EPHA5: variants seen among roughly 807,000 people sequenced by gnomAD.
EPHA5 encodes the protein ephrin type-A receptor 5.
A neutral mutation model predicts 105.0 loss-of-function variants in EPHA5; 60 were observed. The observed-to-expected ratio is 0.57, with a 90% CI of 0.46 to 0.71. The LOEUF (loss-of-function observed/expected upper bound fraction) is 0.71. Among genes scored for constraint, EPHA5 ranks in the 30% least tolerant of loss-of-function variants. The pLI, the probability that EPHA5 is intolerant of heterozygous loss-of-function variation, is 0.00. For missense variants in EPHA5, 1,218 were observed against 1,274.7 expected (o/e 0.96, Z 0.68); for synonymous variants, 513 against 449.1 (o/e 1.14, Z -1.80).
intron 3 of EPHA5, among the ~76,000 whole-genome samples, chr4:65,583,257 C>T (rs945141312): frequency 6.6e-6 from 1 of 151,306 alleles, no homozygotes; most frequent in Admixed American, 6.6e-5. Context: ...ACTCTTGCCA[C>T]TAAACACAAA....
In EPHA5 at chr4:65,323,945, C is replaced by A. The variant is rs558061324; in HGVS notation, c.*169G>T. 3.8e-6 allele frequency: 2 copies of A among 522,072 alleles called. No homozygotes were observed. The highest frequency in any genetic ancestry group is 2.5e-5 in the South Asian group (1 of 40,396). 32.3% of individuals were successfully genotyped at this position (522,072 alleles called of 1,614,324 possible). ...AAAAATGAAGACTAAGGACTAAGAA[C>A]TGGATACTTCAGTAAAACCATGATT... On this transcript the variant is annotated 3_prime_UTR_variant, in exon 17 of 17. Transcript: ENST00000613740.
intron 2 of EPHA5, among the ~76,000 whole-genome samples, chr4:65,642,369 T>C (rs1270724354): frequency 6.6e-6 from 1 of 152,016 alleles, no homozygotes; most frequent in Non-Finnish European, 1.5e-5. Flanking sequence ...GAGGAACACA[T>C]TGAAAGTATA....
chr4:65,354,748 G>A (rs1014489418), intron 11 of EPHA5, among the ~76,000 whole-genome samples: 7 of 151,508 alleles, frequency 4.6e-5, no homozygotes, highest in African/African-American at 1.7e-4. Context: ...TAGAACATAT[G>A]ATTAATACAT....
intron 4 of EPHA5, among the ~76,000 whole-genome samples, chr4:65,493,658 G>A (rs1016719699): frequency 1.3e-5 from 2 of 151,946 alleles, no homozygotes; most frequent in African/African-American, 4.8e-5. Context: ...TGACAACACA[G>A]TATTAGAAAT....
At chr4:65,335,750 C>A (rs1271055212) in intron 15 of EPHA5, among the ~76,000 whole-genome samples, 182 bp downstream of exon 15, 2 of 151,984 alleles carry the variant, frequency 1.3e-5, no homozygotes, top group African/African-American at 4.8e-5. Flanking sequence ...TTTTAAGTAT[C>A]ATTTAGTCAC....
At position 65,634,767 on chromosome 4, in the gene EPHA5, T is replaced by G. The variant is rs189760874; in HGVS notation, c.246+8596A>C. Among the ~76,000 whole-genome samples the G allele has an allele frequency of 2.9e-3, 443 of 152,162 alleles. 1 individual carries two copies. The highest frequency in any genetic ancestry group is 0.01 in the African/African-American group (428 of 41,540). ...GCTCTTTTTTTTACCCACTTCAGCA[T>G]TACTTTAATCTTTATTAGCCCCTTC... On this transcript the variant is annotated intron_variant, in intron 2 of 16. Coordinates refer to ENST00000613740, the MANE Select transcript of EPHA5 (RefSeq NM_001281766.3).
intron 3 of EPHA5, among the ~76,000 whole-genome samples, chr4:65,544,016 G>A (rs1040168848): frequency 5.3e-5 from 8 of 152,088 alleles, no homozygotes; most frequent in African/African-American, 1.7e-4. Context: ...AAACTAGCTA[G>A]CCGTATGCAG....
chr4:65,414,652 A>G (rs1723224313), intron 6 of EPHA5, among the ~76,000 whole-genome samples: 1 of 152,182 alleles, frequency 6.6e-6, no homozygotes, highest in Non-Finnish European at 1.5e-5. Context: ...GTGGTGGGTG[A>G]CATACTGTCC....
chr4:65,402,679 T>A (rs1721963753), intron 8 of EPHA5, among the ~76,000 whole-genome samples: 1 of 152,182 alleles, frequency 6.6e-6, no homozygotes, highest in East Asian at 1.9e-4. Context: ...CTAATGTTTA[T>A]TTAATTTATT....
intron 5 of EPHA5, among the ~76,000 whole-genome samples, chr4:65,440,341 A>G (rs1382714657): frequency 6.6e-6 from 1 of 152,122 alleles, no homozygotes; most frequent in African/African-American, 2.4e-5. Flanking sequence ...GAATATGGCC[A>G]TAAAACAGGA....
intron 8 of EPHA5, among the ~76,000 whole-genome samples, chr4:65,390,391 C>G (rs1720588258): frequency 6.6e-6 from 1 of 152,046 alleles, no homozygotes; most frequent in Non-Finnish European, 1.5e-5. Flanking sequence ...CAAAGGCTCA[C>G]TCCTAGACTT....
At chr4:65,385,225 G>T in intron 8 of EPHA5, among the ~76,000 whole-genome samples, 1 of 151,798 alleles carries the variant, frequency 6.6e-6, no homozygotes, top group Non-Finnish European at 1.5e-5. Flanking sequence ...TTCAAAAAAA[G>T]AAGAAAATAA....
At chr4:65,572,313 A>G (rs993116237) in intron 3 of EPHA5, among the ~76,000 whole-genome samples, 2 of 152,182 alleles carry the variant, frequency 1.3e-5, no homozygotes, top group African/African-American at 4.8e-5. Flanking sequence ...TTAATTATTT[A>G]TGACAATATC....
intron 2 of EPHA5, among the ~76,000 whole-genome samples, chr4:65,619,105 G>A (rs946037812): frequency 2.8e-4 from 42 of 151,992 alleles, no homozygotes; most frequent in African/African-American, 7.7e-4. Context: ...CAGAGATCGC[G>A]GCACTGCACT....
chr4:65,394,422 A>G (rs1006589077), intron 8 of EPHA5, among the ~76,000 whole-genome samples: 1 of 152,194 alleles, frequency 6.6e-6, no homozygotes, highest in African/African-American at 2.4e-5. Flanking sequence ...TGTATACAAC[A>G]GTTTATGTTC....
At chr4:65,522,881 C>T (rs557148055) in intron 3 of EPHA5, among the ~76,000 whole-genome samples, 15 of 151,984 alleles carry the variant, frequency 9.9e-5, no homozygotes, top group African/African-American at 2.2e-4. Context: ...TCCTATTACA[C>T]GTTTTATTTT....
chr4:65,643,391 A>G lies in EPHA5; in HGVS notation c.218T>C (p.Leu73Pro), dbSNP rs752501661. 2 of 1,613,098 alleles carry G rather than the reference A, an allele frequency of 1.2e-6. No homozygotes were observed. The highest frequency in any genetic ancestry group is 2.2e-5 in the East Asian group (1 of 44,838). Reference protein sequence around the residue: ...LLDSRTVMGDLGWIAFPKNGW... With the variant: ...LLDSRTVMGDPGWIAFPKNGW... ...ATTTTTTGGAAAAGCAATCCATCCC[A>G]GGTCCCCCATGACAGTGCGTGAATC... The change falls in exon 2 of 17, where the codon CTG becomes CCG. Residue 73 changes from leucine to proline, a missense_variant. By Grantham distance (98) the Leu-to-Pro change is moderately conservative. This residue lies in a region of EPHA5 where 233 missense variants were observed against 227.5 expected (regional missense o/e 1.02). Transcript: ENST00000613740.
At chr4:65,639,280 T>G (rs1196762310) in intron 2 of EPHA5, among the ~76,000 whole-genome samples, 1 of 152,236 alleles carries the variant, frequency 6.6e-6, no homozygotes, top group African/African-American at 2.4e-5. Flanking sequence ...ATATTTATTT[T>G]GATCATTTAT....
At chr4:65,584,311 T>C (rs1741915760) in intron 3 of EPHA5, among the ~76,000 whole-genome samples, 1 of 151,986 alleles carries the variant, frequency 6.6e-6, no homozygotes, top group East Asian at 1.9e-4. Context: ...ATATCTTAAT[T>C]GAAAATGCCA....
Sources: gnomAD v4.1 joint callset for allele counts (sites outside exome capture counted in the v4.1 genomes callset) on GRCh38, gnomAD v4.1.1 for gene constraint, gnomAD v4.1.1 regional missense constraint, MANE v1.5 for transcripts, NCBI Gene and HGNC (gene_info 2026-07-23, HGNC 2026-07-21) for gene names.